ZNF680: variants seen among roughly 807,000 people sequenced by gnomAD.
ZNF680 encodes zinc finger protein 680.
Under a neutral mutation model 12.1 loss-of-function variants are expected in ZNF680, and 6 were observed. The observed-to-expected ratio is 0.49, with a 90% CI of 0.27 to 0.98. The LOEUF is 0.98. Among genes scored for constraint, ZNF680 ranks in the 50% least tolerant of loss-of-function variants. The pLI is 0.12. For synonymous variants in ZNF680, 170 were observed against 199.3 expected (o/e 0.85, Z 1.24); for missense variants, 561 against 616.3 (o/e 0.91, Z 0.95).
At position 64,536,132 on chromosome 7, in the gene ZNF680, GAAGA is replaced by G. The variant is rs1272969220; in HGVS notation, c.253+7571_253+7574del. On this transcript the variant is annotated intron_variant, in intron 3 of 3. Transcript: ENST00000309683. ...ATATAAAGCAAATATTGACAAAGGT[GAAGA>G]AAGAAATACATAGCAACATAATAAT... Among the ~76,000 whole-genome samples the G allele has an allele frequency of 2.0e-5, 3 of 152,044 alleles. No individual in the cohort carries two copies. The East Asian group carries it at 5.8e-4, about 29-fold the overall frequency.
rs1396103509 is a variant in ZNF680, at chr7:64,522,218, T to G, written c.536A>C (p.Lys179Thr). 1 of 1,612,436 alleles carries G rather than the reference T, an allele frequency of 6.2e-7. No homozygotes were observed. Among genetic ancestry groups the G allele is most frequent in the Admixed American group, 1.7e-5 (1 of 59,828 alleles). ...SNSHKKRNTGKKVFKCKECGK... is the reference protein window; with the variant it reads ...SNSHKKRNTGTKVFKCKECGK... ...ACATTCTTTACATTTGAAAACCTTC[T>G]TTCCAGTATTTCTTTTCTTATGACT... Residue 179 changes from lysine (K) to threonine (T), a missense_variant, in exon 4 of 4, where the codon AAG becomes ACG. Coordinates refer to ENST00000309683, the MANE Select transcript of ZNF680 (RefSeq NM_178558.5).
chr7:64,533,738 G>A (rs1786007938), intron 3 of ZNF680, among the ~76,000 whole-genome samples: 1 of 152,100 alleles, frequency 6.6e-6, no homozygotes, highest in Non-Finnish European at 1.5e-5. Context: ...AATAAATCTG[G>A]AGGCATCAGA....
intron 1 of ZNF680, among the ~76,000 whole-genome samples, chr7:64,557,159 G>A (rs954464415): frequency 6.6e-6 from 1 of 151,976 alleles, no homozygotes; most frequent in Non-Finnish European, 1.5e-5. Context: ...GCTGAGGCAG[G>A]AGAATGGCAT....
At chr7:64,506,712 ATAAT>A in the ZNF680 span, among the ~76,000 whole-genome samples, 2 of 152,216 alleles carry the variant, frequency 1.3e-5, no homozygotes, top group East Asian at 3.8e-4. Flanking sequence ...TGAGTTTAAA[ATAAT>A]TATTTTCTGT....
chr7:64,538,061 A>T (rs967421055), intron 3 of ZNF680, among the ~76,000 whole-genome samples: 1 of 152,014 alleles, frequency 6.6e-6, no homozygotes, highest in Non-Finnish European at 1.5e-5. Flanking sequence ...TTTCAAAAAA[A>T]TAACGTTGAA....
chr7:64,548,027 C>T (rs1414364245), intron 1 of ZNF680, among the ~76,000 whole-genome samples: 1 of 152,124 alleles, frequency 6.6e-6, no homozygotes, highest in Non-Finnish European at 1.5e-5. Flanking sequence ...CTTAGCAGAA[C>T]TGGGGCAGGG....
At chr7:64,506,874 C>T in the ZNF680 span, among the ~76,000 whole-genome samples, 1 of 152,008 alleles carries the variant, frequency 6.6e-6, no homozygotes, top group African/African-American at 2.4e-5. Flanking sequence ...AATAATGATA[C>T]CTATGTTATT....
At chr7:64,559,833 C>G (rs181249359) in intron 1 of ZNF680, among the ~76,000 whole-genome samples, 14 of 152,082 alleles carry the variant, frequency 9.2e-5, no homozygotes, top group Non-Finnish European at 1.9e-4. Flanking sequence ...ATAAGAAAAG[C>G]AAAAGTATTC....
At chr7:64,510,585 A>G in the ZNF680 span, among the ~76,000 whole-genome samples, 1 of 152,046 alleles carries the variant, frequency 6.6e-6, no homozygotes, top group South Asian at 2.1e-4. Flanking sequence ...AAAAGGCACT[A>G]AGGTTCTTTT....
downstream of ZNF680, among the ~76,000 whole-genome samples, chr7:64,515,842 C>T (rs558654488): frequency 4.9e-4 from 74 of 152,276 alleles, no homozygotes; most frequent in African/African-American, 1.6e-3. Flanking sequence ...TTAAACTATA[C>T]AGCGGCTCCT....
In ZNF680 at chr7:64,544,740, A is replaced by G. The variant is rs17545412; in HGVS notation, c.31-308T>C. On this transcript the variant is annotated intron_variant, in intron 1 of 3. Transcript: ENST00000309683. Reference sequence around the variant, plus strand: ...GTAAATTTTTGAGTGCTATATTTACATCATACACAATGAGTTGTGTATATT... The same window carrying G: ...GTAAATTTTTGAGTGCTATATTTACGTCATACACAATGAGTTGTGTATATT... 3.3e-3 allele frequency among the ~76,000 whole-genome samples: 506 copies of G among 152,338 alleles called. 17 individuals carry two copies. In the East Asian group the frequency reaches 0.089, roughly 27 times the overall value.
rs1290436282 is a variant in ZNF680 at position 64,522,356 on chromosome 7, T to G, written c.398A>C (p.Lys133Thr). Residue 133 changes from lysine to threonine, a missense_variant, in exon 4 of 4, where the codon AAG becomes ACG. Coordinates refer to ENST00000309683, the MANE Select transcript of ZNF680 (RefSeq NM_178558.5). ...RISCKSVDES[K>T]VFKEGYNELN... ...TTCATTATAACCTTCTTTGAACACCTTAGACTCATCCACACTTTTACAACT... is the reference window on the plus strand; with the variant it reads ...TTCATTATAACCTTCTTTGAACACCGTAGACTCATCCACACTTTTACAACT... The G allele has an allele frequency of 6.2e-7, 1 of 1,612,930 alleles. No homozygotes were observed. Among genetic ancestry groups the G allele is most frequent in the African/African-American group, 1.3e-5 (1 of 74,894 alleles).
chr7:64,512,383 G>A, the ZNF680 span, among the ~76,000 whole-genome samples: 6 of 150,450 alleles, frequency 4.0e-5, no homozygotes, highest in African/African-American at 1.2e-4. Context: ...AACCCGGGAG[G>A]CAGAGGTTGC....
At chr7:64,527,437 T>C (rs954158450) in intron 3 of ZNF680, among the ~76,000 whole-genome samples, 22 of 152,162 alleles carry the variant, frequency 1.4e-4, no homozygotes. Context: ...GGCTCACGCC[T>C]GTAATCCCAG....
chr7:64,530,745 G>A (rs975071713), intron 3 of ZNF680, among the ~76,000 whole-genome samples: 1 of 151,882 alleles, frequency 6.6e-6, no homozygotes, highest in Admixed American at 6.6e-5. Context: ...TGTAATCCCA[G>A]CTACTCGGGA....
At chr7:64,537,749 A>G (rs1435049773) in intron 3 of ZNF680, among the ~76,000 whole-genome samples, 1 of 149,338 alleles carries the variant, frequency 6.7e-6, no homozygotes, top group East Asian at 1.9e-4. Context: ...AACACAGTGA[A>G]ACCCTGTCTC....
chr7:64,552,226 G>T (rs752065959), intron 1 of ZNF680, among the ~76,000 whole-genome samples: 45 of 152,246 alleles, frequency 3.0e-4, no homozygotes, highest in Non-Finnish European at 5.4e-4. Flanking sequence ...GCTAATTTTT[G>T]TATTTTTAGT....
chr7:64,525,954 G>C, intron 3 of ZNF680: 1 of 985,026 alleles, frequency 1.0e-6, no homozygotes, highest in South Asian at 4.7e-5. Flanking sequence ...GTAGACATAT[G>C]GCTGATTCAT....
chr7:64,506,688 T>A, the ZNF680 span, among the ~76,000 whole-genome samples: 1 of 152,228 alleles, frequency 6.6e-6, no homozygotes, highest in East Asian at 1.9e-4. Flanking sequence ...TTTCTAAAAA[T>A]TTTTTATTTA....
Sources: allele counts gnomAD v4.1 joint callset (sites outside exome capture counted in the v4.1 genomes callset), GRCh38; gene constraint gnomAD v4.1.1; transcripts MANE v1.5; gene names NCBI Gene and HGNC (gene_info 2026-07-23, HGNC 2026-07-21).